The following CTNNA2 variants were observed in gnomAD, a reference collection of about 807,000 sequenced individuals.
The protein encoded by CTNNA2 is catenin alpha-2.
A neutral mutation model predicts 101.0 loss-of-function variants in CTNNA2; 42 were observed. The ratio of observed to expected loss-of-function variants is 0.42; its 90% CI spans 0.32 to 0.54. CTNNA2 has a LOEUF of 0.54. CTNNA2 is among the 20% of genes least tolerant of loss of function. The pLI is 0.14. For missense variants in CTNNA2, 871 were observed against 1,223.1 expected (o/e 0.71, Z 4.29); for synonymous variants, 450 against 456.4 (o/e 0.99, Z 0.18).
At chr2:80,574,044 A>C in intron 12 of CTNNA2, 119 bp from the exon 13 acceptor site, 1 of 951,088 alleles carries the variant, frequency 1.1e-6, no homozygotes, top group East Asian at 2.5e-5. Context: ...TGGACAGATG[A>C]GTGTCTTGCT....
intron 12 of CTNNA2, among the ~76,000 whole-genome samples, chr2:80,569,020 C>T (rs748734193): frequency 6.6e-6 from 1 of 152,064 alleles, no homozygotes; most frequent in Admixed American, 6.5e-5. Context: ...CTGAGGGTAG[C>T]GAGGTTACCT....
intron 7 of CTNNA2, among the ~76,000 whole-genome samples, chr2:79,987,441 C>T (rs1255745343): frequency 6.6e-6 from 1 of 152,148 alleles, no homozygotes; most frequent in Non-Finnish European, 1.5e-5. Flanking sequence ...GCTAGGTGAC[C>T]TTGGGCAAGT....
intron 3 of CTNNA2, among the ~76,000 whole-genome samples, chr2:79,845,223 T>A (rs1680144963): frequency 6.7e-6 from 1 of 150,064 alleles, no homozygotes; most frequent in Non-Finnish European, 1.5e-5. Context: ...AGGGGGCATT[T>A]CTCTATAGTT....
chr2:79,665,166 A>G (rs1471355670), intron 2 of CTNNA2, among the ~76,000 whole-genome samples: 1 of 151,688 alleles, frequency 6.6e-6, no homozygotes, highest in Non-Finnish European at 1.5e-5. Context: ...ATTTTCTCCT[A>G]TTTCATTTCC....
At chr2:80,192,687 G>A (rs1706585515) in intron 7 of CTNNA2, among the ~76,000 whole-genome samples, 1 of 152,086 alleles carries the variant, frequency 6.6e-6, no homozygotes, top group East Asian at 1.9e-4. Context: ...CACATTTTTT[G>A]TATTTTTAGT....
chr2:79,186,416 T>C (rs186174611), intron 1 of CTNNA2, among the ~76,000 whole-genome samples: 41 of 152,328 alleles, frequency 2.7e-4, no homozygotes, highest in African/African-American at 9.1e-4. Flanking sequence ...CTTTTCATGG[T>C]ATACCAGAAT....
chr2:80,626,795 A>C (rs1671731383), intron 18 of CTNNA2, among the ~76,000 whole-genome samples: 1 of 152,144 alleles, frequency 6.6e-6, no homozygotes, highest in South Asian at 2.1e-4. Flanking sequence ...TACATATGCC[A>C]TGGTGGTTTG....
chr2:79,788,298 A>C (rs1227093957), intron 3 of CTNNA2, among the ~76,000 whole-genome samples: 1 of 152,124 alleles, frequency 6.6e-6, no homozygotes, highest in Non-Finnish European at 1.5e-5. Flanking sequence ...TGGCAATGGA[A>C]TTGGAGTGCA....
At chr2:80,511,638 TA>T (rs1248695287) in intron 9 of CTNNA2, among the ~76,000 whole-genome samples, 6 of 152,174 alleles carry the variant, frequency 3.9e-5, no homozygotes, top group Non-Finnish European at 7.3e-5. Context: ...GAGTGAAAAT[TA>T]AAAGGAGATT....
At chr2:80,525,489 G>A (rs1162190924) in intron 9 of CTNNA2, among the ~76,000 whole-genome samples, 2 of 152,018 alleles carry the variant, frequency 1.3e-5, no homozygotes, top group Non-Finnish European at 2.9e-5. Flanking sequence ...GCTTGTATCT[G>A]GGTAACTCTC....
At chr2:80,601,151 A>T (rs1697466438) in intron 15 of CTNNA2, among the ~76,000 whole-genome samples, 1 of 152,096 alleles carries the variant, frequency 6.6e-6, no homozygotes. Flanking sequence ...TCGTATGTAT[A>T]AGCCTACTCC....
intron 2 of CTNNA2, chr2:79,697,984 G>T (rs888194611): frequency 2.0e-5 from 3 of 151,824 alleles, no homozygotes; most frequent in Non-Finnish European, 4.4e-5. Flanking sequence ...ACATTAACTT[G>T]CTTTTTATTT....
At chr2:79,817,423 A>G (rs1677609200) in intron 3 of CTNNA2, among the ~76,000 whole-genome samples, 1 of 146,710 alleles carries the variant, frequency 6.8e-6, no homozygotes, top group Admixed American at 7.2e-5. Flanking sequence ...CTTGCCATAG[A>G]ATAAGTAGCC....
chr2:79,239,932 C>CTTTTTTT (rs746189807), intron 2 of CTNNA2, among the ~76,000 whole-genome samples: 1 of 109,274 alleles, frequency 9.2e-6, no homozygotes, highest in Non-Finnish European at 2.0e-5. Context: ...TTTTCTTTTT[C>CTTTTTTT]TTTCTTTTTT....
intron 7 of CTNNA2, among the ~76,000 whole-genome samples, chr2:80,151,510 C>CTCTAA (rs575212570): frequency 1.5e-3 from 233 of 152,318 alleles, no homozygotes; most frequent in African/African-American, 5.4e-3. Context: ...ACTTTCAGGA[C>CTCTAA]TCTAATGGCA....
At chr2:79,693,594 C>G (rs749646939) in intron 2 of CTNNA2, among the ~76,000 whole-genome samples, 4 of 151,898 alleles carry the variant, frequency 2.6e-5, no homozygotes, top group Non-Finnish European at 5.9e-5. Flanking sequence ...GGAACAATGT[C>G]CTTGAAAACT....
chr2:79,241,998 T>C (rs529261820), intron 2 of CTNNA2, among the ~76,000 whole-genome samples: 6 of 151,702 alleles, frequency 4.0e-5, no homozygotes, highest in East Asian at 1.9e-4. Context: ...CTCCACCTCC[T>C]GGGTTCACGC....
intron 3 of CTNNA2, among the ~76,000 whole-genome samples, chr2:79,746,094 C>T (rs1433445520): frequency 6.6e-6 from 1 of 152,148 alleles, no homozygotes; most frequent in East Asian, 1.9e-4. Context: ...TGAATTGTAT[C>T]ATCATAATTG....
At chr2:80,013,512 T>TA (rs1180262640) in intron 7 of CTNNA2, among the ~76,000 whole-genome samples, 3 of 152,192 alleles carry the variant, frequency 2.0e-5, no homozygotes, top group Admixed American at 2.0e-4. Context: ...ACACTGAACT[T>TA]ACACTAACCT....
Sources: gnomAD v4.1 joint callset for allele counts (sites outside exome capture counted in the v4.1 genomes callset) on GRCh38, gnomAD v4.1.1 for gene constraint, MANE v1.5 for transcripts, NCBI Gene and HGNC (gene_info 2026-07-23, HGNC 2026-07-21) for gene names.